The following CD53 variants were observed in gnomAD, a reference collection of about 807,000 sequenced individuals.
CD53 encodes the protein leukocyte surface antigen CD53.
In CD53, 20 loss-of-function variants were observed where a neutral mutation model predicts 27.3. The ratio of observed to expected loss-of-function variants is 0.73; its 90% CI spans 0.52 to 1.07. CD53 has a LOEUF of 1.07. CD53 is among the 50% of genes least tolerant of loss of function. The probability of loss-of-function intolerance (pLI) is 0.00; values close to 1 mark genes in which losing one functional copy is unlikely to be tolerated. For missense variants in CD53, 216 were observed against 264.0 expected (o/e 0.82, Z 1.26); for synonymous variants, 106 against 105.3 (o/e 1.01, Z -0.04).
intron 5 of CD53, 62 bp from the exon 6 acceptor site, chr1:110,896,591 T>C (rs1657073446): frequency 1.3e-6 from 2 of 1,499,290 alleles, no homozygotes; most frequent in East Asian, 4.5e-5. Context: ...TCCTCTAAGG[T>C]CCACAGCTTT....
chr1:110,891,827 GT>G (rs1656867585), intron 2 of CD53, among the ~76,000 whole-genome samples: 1 of 152,190 alleles, frequency 6.6e-6, no homozygotes. Flanking sequence ...GAAACAATAA[GT>G]GATTGAAAGG....
At chr1:110,874,140 C>G (rs1465846042) in intron 1 of CD53, among the ~76,000 whole-genome samples, 1 of 152,054 alleles carries the variant, frequency 6.6e-6, no homozygotes, top group Non-Finnish European at 1.5e-5. Context: ...TTGATTATGC[C>G]CTGGAGCAGA....
At chr1:110,874,387 T>C (rs1656051639) in intron 1 of CD53, among the ~76,000 whole-genome samples, 1 of 152,132 alleles carries the variant, frequency 6.6e-6, no homozygotes. Flanking sequence ...TTGGGAATTG[T>C]GGGGGAGGGA....
intron 7 of CD53, among the ~76,000 whole-genome samples, chr1:110,898,855 T>C (rs751293384): frequency 6.6e-6 from 1 of 152,158 alleles, no homozygotes; most frequent in East Asian, 1.9e-4. Context: ...ATGACCATCC[T>C]AGCAGCAAGG....
chr1:110,898,933 G>C (rs2101071041), intron 7 of CD53, among the ~76,000 whole-genome samples, 191 bp from the exon 8 acceptor site: 1 of 152,182 alleles, frequency 6.6e-6, no homozygotes, highest in South Asian at 2.1e-4. Context: ...TGTCATCATT[G>C]ACCCCGTTTC....
intron 1 of CD53, among the ~76,000 whole-genome samples, chr1:110,874,565 AG>A (rs1422594163): frequency 2.0e-5 from 3 of 152,234 alleles, no homozygotes; most frequent in African/African-American, 7.2e-5. Context: ...CTCAATCTTG[AG>A]GAGAATCTGT....
In CD53 at chr1:110,894,319, T is replaced by C; in HGVS notation, c.253-8T>C. ...CAGTGCTGTGAGAATGTATCTGCTT[T>C]GTCCCAGTTCTTCATCCTGCTGCTG... On this transcript the variant is annotated splice_region_variant and splice_polypyrimidine_tract_variant and intron_variant, in intron 3 of 7. Transcript: ENST00000271324. The C allele has an allele frequency of 6.2e-7, 1 of 1,613,720 alleles. No homozygotes were observed. The highest frequency in any genetic ancestry group is 8.5e-7 in the Non-Finnish European group (1 of 1,179,602).
At position 110,895,008 on chromosome 1, in the gene CD53, C is replaced by G; in HGVS notation, c.376C>G (p.His126Asp). ...TCTGACCGACAGCATCCACCGTTAC[C>G]ACTCAGACAATAGCACCAAGGCAGC... ...KGLTDSIHRY[H>D]SDNSTKAAWD... The change falls in exon 5 of 8, where the codon CAC becomes GAC. Residue 126 changes from histidine (H) to aspartate (D), a missense_variant. Transcript: ENST00000271324. 6.2e-7 allele frequency: 1 copy of G among 1,614,052 alleles called. No individual in the cohort carries two copies. The highest frequency in any genetic ancestry group is 1.3e-5 in the African/African-American group (1 of 75,048).
At chr1:110,892,747 G>T in intron 3 of CD53, 2 of 493,858 alleles carry the variant, frequency 4.0e-6, no homozygotes, top group Non-Finnish European at 3.6e-6. Flanking sequence ...TATCCCCCTT[G>T]TAGCCATTTT....
At chr1:110,891,175 G>T (rs1656837765) in intron 1 of CD53, among the ~76,000 whole-genome samples, 1 of 152,246 alleles carries the variant, frequency 6.6e-6, no homozygotes, top group Admixed American at 6.5e-5. Flanking sequence ...GTTAAGCATT[G>T]TTGGCTTGCC....
At position 110,896,742 on chromosome 1, in the gene CD53, G is replaced by A; in HGVS notation, c.504+9G>A. The A allele has an allele frequency of 6.2e-7, 1 of 1,610,136 alleles. No homozygotes were observed. ...CAGATCGAAAAGTGGAGGTAATTTT[G>A]TCGGCAATGTTTCTGTTATTGACCT... is the stretch of plus-strand genomic sequence containing the variant. On this transcript the variant is annotated intron_variant, in intron 6 of 7. Coordinates refer to ENST00000271324, the MANE Select transcript of CD53 (RefSeq NM_000560.4).
At chr1:110,874,398 G>A (rs191795569) in intron 1 of CD53, among the ~76,000 whole-genome samples, 1 of 152,302 alleles carries the variant, frequency 6.6e-6, no homozygotes, top group East Asian at 1.9e-4. Flanking sequence ...GGGGGAGGGA[G>A]ATGAAAAGGT....
At chr1:110,889,160 A>G (rs1656744909) in intron 1 of CD53, among the ~76,000 whole-genome samples, 1 of 152,162 alleles carries the variant, frequency 6.6e-6, no homozygotes, top group African/African-American at 2.4e-5. Context: ...TTATTCATAG[A>G]TGTGTCTTAC....
intron 1 of CD53, among the ~76,000 whole-genome samples, chr1:110,878,451 G>A (rs1286024830): frequency 1.3e-5 from 2 of 152,194 alleles, no homozygotes; most frequent in African/African-American, 4.8e-5. Context: ...ATATGGAGAA[G>A]TGTCTGGAAA....
intron 1 of CD53, among the ~76,000 whole-genome samples, chr1:110,875,367 T>A (rs1656082103): frequency 6.6e-6 from 1 of 152,176 alleles, no homozygotes. Flanking sequence ...CCCACCATGT[T>A]CACACGACAG....
At chr1:110,897,425 C>A (rs1002878863) in intron 6 of CD53, among the ~76,000 whole-genome samples, 6 of 152,232 alleles carry the variant, frequency 3.9e-5, no homozygotes, top group African/African-American at 1.4e-4. Context: ...GATGGATTTA[C>A]TGAATGTTGA....
chr1:110,892,265 G>C, intron 2 of CD53, 80 bp from the exon 3 acceptor site: 1 of 986,570 alleles, frequency 1.0e-6, no homozygotes, highest in South Asian at 1.3e-5. Context: ...AAGTGATTCT[G>C]ATCTCAAGGA....
intron 2 of CD53, 48 bp from the exon 3 acceptor site, chr1:110,892,297 C>G (rs1415106706): frequency 7.2e-7 from 1 of 1,387,212 alleles, no homozygotes. Context: ...GAGGAGATAC[C>G]CAAGAACCAC....
rs559892726 is a variant in CD53 at position 110,890,907 on chromosome 1, C to T, written c.-17-485C>T. Among the ~76,000 whole-genome samples the T allele has an allele frequency of 5.3e-5, 8 of 152,322 alleles. 1 individual carries two copies. Among genetic ancestry groups the T allele is most frequent in the Middle Eastern group, 6.8e-3 (2 of 294 alleles). ...ATAAATGAGGCGTGGATATGTTCCC[C>T]CTACTTTCATGTGGAGAAGTTTACT... On this transcript the variant is annotated intron_variant, in intron 1 of 7. Coordinates refer to ENST00000271324, the MANE Select transcript of CD53 (RefSeq NM_000560.4).
Sources: allele counts gnomAD v4.1 joint callset (sites outside exome capture counted in the v4.1 genomes callset), GRCh38; gene constraint gnomAD v4.1.1; transcripts MANE v1.5; gene names NCBI Gene and HGNC (gene_info 2026-07-23, HGNC 2026-07-21).